The following RSF1 variants were observed in gnomAD, a reference collection of about 807,000 sequenced individuals.
The protein encoded by RSF1 is HBV pX-associated protein 8.
Under a neutral mutation model 145.2 loss-of-function variants are expected in RSF1, and 13 were observed. That is an observed-to-expected ratio of 0.09 (90% confidence interval 0.06 to 0.14). The LOEUF (loss-of-function observed/expected upper bound fraction) is 0.14, where lower values mean the gene tolerates loss of function less well. Among genes scored for constraint, RSF1 ranks in the 10% least tolerant of loss-of-function variants. The pLI is 1.00. For missense variants in RSF1, 1,517 were observed against 1,718.2 expected, an observed-to-expected ratio of 0.88 and a Z score of 2.07; for synonymous variants, 577 against 592.6, an observed-to-expected ratio of 0.97 and a Z score of 0.38.
At chr11:77,789,236 A>C (rs1948492009) in intron 1 of RSF1, among the ~76,000 whole-genome samples, 1 of 152,118 alleles carries the variant, frequency 6.6e-6, no homozygotes, top group African/African-American at 2.4e-5. Flanking sequence ...GAGGGCCTCA[A>C]CTCTCACAGG....
intron 1 of RSF1, among the ~76,000 whole-genome samples, chr11:77,817,048 T>C (rs544725064): frequency 1.3e-5 from 2 of 152,296 alleles, no homozygotes; most frequent in African/African-American, 4.8e-5. Flanking sequence ...AATGACACAA[T>C]AGTCCCTTCT....
intron 13 of RSF1, among the ~76,000 whole-genome samples, chr11:77,675,680 T>C (rs1959682275): frequency 6.6e-6 from 1 of 152,210 alleles, no homozygotes; most frequent in South Asian, 2.1e-4. Context: ...ATAATTTCTC[T>C]AGAGTCTACC....
At chr11:77,791,676 C>A (rs1948518833) in intron 1 of RSF1, among the ~76,000 whole-genome samples, 1 of 152,120 alleles carries the variant, frequency 6.6e-6, no homozygotes, top group Non-Finnish European at 1.5e-5. Context: ...CAAAGTTCCA[C>A]AAATCTCTAG....
the RSF1 span, among the ~76,000 whole-genome samples, chr11:77,846,522 C>T: frequency 2.0e-5 from 3 of 152,242 alleles, no homozygotes; most frequent in East Asian, 1.9e-4. Context: ...GCCTGACCAA[C>T]GTGGAGAAAC....
intron 10 of RSF1, among the ~76,000 whole-genome samples, chr11:77,684,375 T>C (rs1474620844): frequency 6.6e-6 from 1 of 152,128 alleles, no homozygotes. Flanking sequence ...ACAAAGGTAA[T>C]CCTTCAAAAA....
chr11:77,734,446 C>A (rs900675259), intron 4 of RSF1: 53 of 1,541,698 alleles, frequency 3.4e-5, no homozygotes, highest in Non-Finnish European at 4.5e-5. Flanking sequence ...GGGAAGTCAC[C>A]CCACGGCTAC....
chr11:77,717,431 A>C (rs902497226), intron 5 of RSF1, among the ~76,000 whole-genome samples: 3 of 152,182 alleles, frequency 2.0e-5, no homozygotes, highest in African/African-American at 7.2e-5. Context: ...GATGGCCATA[A>C]GAACTGTTGC....
chr11:77,862,182 T>C, the RSF1 span, among the ~76,000 whole-genome samples: 2 of 152,348 alleles, frequency 1.3e-5, no homozygotes, highest in Non-Finnish European at 2.9e-5. Flanking sequence ...CACTGGGAAC[T>C]GCCTGCTGGC....
chr11:77,700,526 T>C (rs547500587), intron 6 of RSF1, among the ~76,000 whole-genome samples, 195 bp downstream of exon 6: 2 of 152,198 alleles, frequency 1.3e-5, no homozygotes, highest in South Asian at 2.1e-4. Context: ...TATACTACTT[T>C]TAATTTCTTA....
At chr11:77,722,067 C>A (rs906175167) in intron 5 of RSF1, among the ~76,000 whole-genome samples, 2 of 152,090 alleles carry the variant, frequency 1.3e-5, no homozygotes, top group Non-Finnish European at 2.9e-5. Context: ...GTAGTCCCAG[C>A]CACTCAGGAG....
At chr11:77,845,119 A>T in the RSF1 span, among the ~76,000 whole-genome samples, 1 of 152,138 alleles carries the variant, frequency 6.6e-6, no homozygotes, top group African/African-American at 2.4e-5. Flanking sequence ...GAGCTTCATG[A>T]AGATGTAGAT....
chr11:77,852,473 T>C, the RSF1 span, among the ~76,000 whole-genome samples: 1 of 152,090 alleles, frequency 6.6e-6, no homozygotes, highest in Non-Finnish European at 1.5e-5. Context: ...TGCTGTTCAC[T>C]ATCACCAGAA....
At chr11:77,787,095 G>A (rs1027165535) in intron 1 of RSF1, among the ~76,000 whole-genome samples, 1 of 152,180 alleles carries the variant, frequency 6.6e-6, no homozygotes, top group East Asian at 1.9e-4. Context: ...GTCCCTCTGA[G>A]TCTTTAGCAA....
At chr11:77,764,134 C>A in intron 2 of RSF1, 1 of 154,398 alleles carries the variant, frequency 6.5e-6, no homozygotes. Context: ...GGAAGCAGAG[C>A]TCACATGGTA....
At chr11:77,822,711 G>A (rs11237305), upstream of RSF1, among the ~76,000 whole-genome samples, 41 of 152,216 alleles carry the variant, frequency 2.7e-4, no homozygotes, top group East Asian at 7.7e-3. Flanking sequence ...TCATAGTCTT[G>A]AGTGGTATAC....
intron 2 of RSF1, among the ~76,000 whole-genome samples, chr11:77,760,056 C>A (rs1460277952): frequency 6.6e-6 from 1 of 152,098 alleles, no homozygotes; most frequent in Non-Finnish European, 1.5e-5. Context: ...TACCATATGA[C>A]CTAACAATTC....
chr11:77,813,623 G>T (rs1170530104), intron 1 of RSF1: 2 of 617,588 alleles, frequency 3.2e-6, no homozygotes, highest in Admixed American at 2.0e-5. Context: ...TTCAATTTCG[G>T]TGAACTGCCA....
intron 1 of RSF1, among the ~76,000 whole-genome samples, chr11:77,802,607 G>T (rs1590896055): frequency 6.6e-6 from 1 of 151,982 alleles, no homozygotes; most frequent in African/African-American, 2.4e-5. Flanking sequence ...GCAATGGCGC[G>T]ATCTCAGCCT....
At chr11:77,685,607 T>C (rs1861458650) in intron 9 of RSF1, among the ~76,000 whole-genome samples, 1 of 152,220 alleles carries the variant, frequency 6.6e-6, no homozygotes, top group Admixed American at 6.5e-5. Flanking sequence ...TGTTAGCTAT[T>C]AAGTATAAAA....
Sources: gnomAD v4.1 joint callset for allele counts (sites outside exome capture counted in the v4.1 genomes callset) on GRCh38, gnomAD v4.1.1 for gene constraint, MANE v1.5 for transcripts, NCBI Gene and HGNC (gene_info 2026-07-23, HGNC 2026-07-21) for gene names.